ABCA8: variants seen among roughly 807,000 people sequenced by gnomAD.
The protein encoded by ABCA8 is ABC-type organic anion transporter ABCA8.
In ABCA8, 177 loss-of-function variants were observed where a neutral mutation model predicts 192.3. The ratio of observed to expected loss-of-function variants is 0.92; its 90% CI spans 0.81 to 1.04. The LOEUF is 1.04. Ranked by LOEUF, ABCA8 falls within the 50% of genes least tolerant of loss-of-function variation. The pLI is 0.00. For missense variants in ABCA8, 1,915 were observed against 1,904.8 expected (o/e 1.01, Z -0.10); for synonymous variants, 642 against 690.2 (o/e 0.93, Z 1.09).
intron 9 of ABCA8, among the ~76,000 whole-genome samples, chr17:68,928,331 G>A (rs1399334247): frequency 6.6e-6 from 1 of 152,250 alleles, no homozygotes; most frequent in Non-Finnish European, 1.5e-5. Flanking sequence ...AGTATGGGAA[G>A]AGATGACATT....
intron 21 of ABCA8, among the ~76,000 whole-genome samples, chr17:68,900,042 C>A (rs1162521154): frequency 1.3e-5 from 2 of 151,942 alleles, no homozygotes; most frequent in Non-Finnish European, 2.9e-5. Context: ...TGTGTTAAGA[C>A]ACTGAAAAGA....
At chr17:68,870,980 A>G (rs1466993774) in intron 37 of ABCA8, among the ~76,000 whole-genome samples, 2 of 152,140 alleles carry the variant, frequency 1.3e-5, no homozygotes, top group East Asian at 3.8e-4. Context: ...AAGCATTCCA[A>G]TTTCTCCACC....
At chr17:68,888,377 TTC>T (rs2066544680) in intron 24 of ABCA8, among the ~76,000 whole-genome samples, 1 of 152,156 alleles carries the variant, frequency 6.6e-6, no homozygotes, top group Non-Finnish European at 1.5e-5. Flanking sequence ...GTGAATTTTT[TTC>T]TTTTAAAAAA....
At chr17:68,948,269 G>A (rs1232372182) in intron 2 of ABCA8, among the ~76,000 whole-genome samples, 1 of 152,122 alleles carries the variant, frequency 6.6e-6, no homozygotes, top group Non-Finnish European at 1.5e-5. Context: ...CCCAGTAATG[G>A]GATTGCTGGG....
chr17:68,868,618 T>G (rs1418399963), intron 38 of ABCA8, among the ~76,000 whole-genome samples: 2 of 152,190 alleles, frequency 1.3e-5, no homozygotes, highest in Non-Finnish European at 2.9e-5. Flanking sequence ...GAGTAAGCTT[T>G]CTTTCTTGCC....
chr17:68,905,847 T>C (rs1296363870), intron 19 of ABCA8, among the ~76,000 whole-genome samples, 197 bp downstream of exon 19: 1 of 152,200 alleles, frequency 6.6e-6, no homozygotes, highest in East Asian at 1.9e-4. Context: ...CTAATATGAG[T>C]GCAGTGAGCC....
intron 18 of ABCA8, among the ~76,000 whole-genome samples, chr17:68,907,153 T>TAACA (rs1218434910): frequency 1.3e-5 from 2 of 152,196 alleles, no homozygotes; most frequent in East Asian, 1.9e-4. Flanking sequence ...AGAATTTGCG[T>TAACA]AACACTTTCC....
In ABCA8 at chr17:68,937,000, G is replaced by T; in HGVS notation, c.417C>A (p.Phe139Leu). 1.2e-6 allele frequency: 2 copies of T among 1,608,212 alleles called. No homozygotes were observed. Among genetic ancestry groups the T allele is most frequent in the Non-Finnish European group, 1.7e-6 (2 of 1,177,884 alleles). Residue 139 changes from phenylalanine to leucine, a missense_variant, in exon 5 of 40, where the codon TTC (phenylalanine) becomes TTA (leucine). Physicochemically the swap from Phe to Leu is conservative, Grantham distance 22. Coordinates refer to ENST00000586539, the MANE Select transcript of ABCA8 (RefSeq NM_001288985.2). ...FTNTYSYHLK[F>L]LLGHGMPAKK... ...TTGCTGGCATTCCATGTCCTAGCAA[G>T]AACTTCAAATGATATGAGTATGTAT...
At chr17:68,885,895 AAGT>A (rs1278524806) in intron 26 of ABCA8, among the ~76,000 whole-genome samples, 3 of 152,170 alleles carry the variant, frequency 2.0e-5, no homozygotes, top group Non-Finnish European at 4.4e-5. Flanking sequence ...TAAAAAATAA[AAGT>A]AGATGATCAA....
At position 68,907,907 on chromosome 17, in the gene ABCA8, A is replaced by C. The variant is rs767233145; in HGVS notation, c.2139-28T>G. On this transcript the variant is annotated intron_variant, in intron 17 of 39. Coordinates refer to ENST00000586539, the MANE Select transcript of ABCA8 (RefSeq NM_001288985.2). The stretch of plus-strand genomic sequence containing the variant: ...GGCATTCAGAAAAAAAAAAAAAGAC[A>C]TATGTTACTCGACATAGTCTCCAAT... The C allele has an allele frequency of 3.2e-6, 5 of 1,549,966 alleles. No individual in the cohort carries two copies. The South Asian group carries it at 5.1e-5, about 16-fold the overall frequency.
intron 21 of ABCA8, among the ~76,000 whole-genome samples, chr17:68,902,421 TA>T (rs1217499801): frequency 6.6e-6 from 1 of 152,220 alleles, no homozygotes; most frequent in African/African-American, 2.4e-5. Flanking sequence ...TTGTGCATTT[TA>T]AATGGATAAA....
chr17:68,887,867 T>G (rs2066504802), intron 24 of ABCA8, among the ~76,000 whole-genome samples: 1 of 129,294 alleles, frequency 7.7e-6, no homozygotes, highest in Non-Finnish European at 1.6e-5. Flanking sequence ...TTCCTCTCTC[T>G]CTTTTCTCTC....
intron 14 of ABCA8, among the ~76,000 whole-genome samples, chr17:68,918,911 CAA>C (rs1314093827): frequency 1.0e-5 from 1 of 95,806 alleles, no homozygotes; most frequent in East Asian, 3.3e-4. Context: ...GCCTGGGCGA[CAA>C]GAGCAAAACT....
chr17:68,883,204 G>A (rs888326432), intron 29 of ABCA8, among the ~76,000 whole-genome samples: 1 of 152,124 alleles, frequency 6.6e-6, no homozygotes, highest in African/African-American at 2.4e-5. Context: ...ACTGATCTCA[G>A]AAGATTTATT....
intron 17 of ABCA8, among the ~76,000 whole-genome samples, chr17:68,913,769 T>G (rs1244566772): frequency 6.6e-6 from 1 of 152,064 alleles, no homozygotes; most frequent in East Asian, 1.9e-4. Flanking sequence ...AATTCACTGC[T>G]GAATTCTACC....
In ABCA8 at chr17:68,936,640, T is replaced by C. The variant is rs111577683; in HGVS notation, c.466+311A>G. On this transcript the variant is annotated intron_variant, in intron 5 of 39. Coordinates refer to ENST00000586539, the MANE Select transcript of ABCA8 (RefSeq NM_001288985.2). ...AGGGAAATTTGTTCTATCTTATCCA[T>C]AAACTACCTTGTTTTCTTTTAACAA... 2.2e-3 allele frequency among the ~76,000 whole-genome samples: 337 copies of C among 152,200 alleles called. 2 individuals carry two copies. The highest frequency in any genetic ancestry group is 7.8e-3 in the African/African-American group (323 of 41,574).
At position 68,919,398 on chromosome 17, in the gene ABCA8, G is replaced by C. The variant is rs1157048435; in HGVS notation, c.1691C>G (p.Pro564Arg). ...GAAGTCAAATTGCACATTGGATTGTGGACAAACTCCGGTCAGCTTGCTGAG... is the reference window on the plus strand; with the variant it reads ...GAAGTCAAATTGCACATTGGATTGTCGACAAACTCCGGTCAGCTTGCTGAG... ...ENLSKLTGVCPQSNVQFDFLT... is the reference protein window; with the variant it reads ...ENLSKLTGVCRQSNVQFDFLT... Residue 564 changes from proline (P) to arginine (R), a missense_variant, in exon 14 of 40, where the codon CCA becomes CGA. Pro to Arg is a moderately radical substitution (Grantham distance 103). Transcript: ENST00000586539. The C allele has an allele frequency of 1.2e-6, 2 of 1,613,910 alleles. No individual in the cohort carries two copies. The highest frequency in any genetic ancestry group is 3.3e-5 in the Admixed American group (2 of 60,020).
At chr17:68,932,812 C>T (rs1438836998) in intron 6 of ABCA8, among the ~76,000 whole-genome samples, 1 of 152,194 alleles carries the variant, frequency 6.6e-6, no homozygotes, top group East Asian at 1.9e-4. Context: ...CCCCTCATCT[C>T]AAGCTTCAAG....
Position 68,885,341 on chromosome 17 carries a change from A to T in ABCA8, c.3430-26T>A, listed in dbSNP as rs368567607. The T allele has an allele frequency of 4.4e-6, 7 of 1,583,040 alleles. No individual in the cohort carries two copies. The African/African-American group carries it at 9.5e-5, about 22-fold the overall frequency. On this transcript the variant is annotated intron_variant, in intron 26 of 39. Transcript: ENST00000586539. ...CTAAAAGAAGCAAATATGAAGGTTA[A>T]TCACTCTGAATTTCAATGTAAGTTC...
Sources: allele counts gnomAD v4.1 joint callset (sites outside exome capture counted in the v4.1 genomes callset), GRCh38; gene constraint gnomAD v4.1.1; transcripts MANE v1.5; gene names NCBI Gene and HGNC (gene_info 2026-07-23, HGNC 2026-07-21).